Variants in SLC44A5 observed in about 807,000 individuals in gnomAD.
The protein encoded by SLC44A5 is choline transporter-like protein 5.
In SLC44A5, 57 loss-of-function variants were observed where a neutral mutation model predicts 101.8. The observed-to-expected ratio is 0.56, with a 90% CI of 0.45 to 0.70. SLC44A5 has a LOEUF of 0.70. SLC44A5 is among the 30% of genes least tolerant of loss of function. SLC44A5 has a pLI of 0.00. For missense variants in SLC44A5, 737 were observed against 853.1 expected, an observed-to-expected ratio of 0.86 and a Z score of 1.70; for synonymous variants, 281 against 290.9, an observed-to-expected ratio of 0.97 and a Z score of 0.35.
At chr1:75,386,112 G>A (rs1363762308) in intron 3 of SLC44A5, among the ~76,000 whole-genome samples, 1 of 151,416 alleles carries the variant, frequency 6.6e-6, no homozygotes, top group Non-Finnish European at 1.5e-5. Flanking sequence ...ATACTGAATG[G>A]GCAAAAACTG....
chr1:75,278,936 T>C (rs1652159125), intron 5 of SLC44A5, among the ~76,000 whole-genome samples: 1 of 152,174 alleles, frequency 6.6e-6, no homozygotes, highest in South Asian at 2.1e-4. Context: ...TGATATATTA[T>C]AGTTGCACAT....
intron 1 of SLC44A5, among the ~76,000 whole-genome samples, chr1:75,609,146 C>T (rs113066577): frequency 1.4e-4 from 21 of 151,716 alleles, no homozygotes; most frequent in African/African-American, 4.6e-4. Flanking sequence ...GTAGAAGAGA[C>T]GGCAACCTTC....
At chr1:75,336,191 T>C (rs1657429452) in intron 4 of SLC44A5, among the ~76,000 whole-genome samples, 1 of 152,144 alleles carries the variant, frequency 6.6e-6, no homozygotes, top group Non-Finnish European at 1.5e-5. Flanking sequence ...AGTCTTTCTC[T>C]GTCACCCAGG....
intron 4 of SLC44A5, among the ~76,000 whole-genome samples, chr1:75,322,368 A>G (rs1380105490): frequency 6.6e-6 from 1 of 151,616 alleles, no homozygotes; most frequent in Non-Finnish European, 1.5e-5. Flanking sequence ...AAAGTAACCA[A>G]TACATCCTTA....
intron 3 of SLC44A5, among the ~76,000 whole-genome samples, chr1:75,374,379 A>G (rs900355999): frequency 1.3e-5 from 2 of 152,164 alleles, no homozygotes; most frequent in African/African-American, 4.8e-5. Flanking sequence ...GTAGGTCTCC[A>G]GGGAATTGTG....
At chr1:75,568,133 CA>C (rs1672885841) in intron 1 of SLC44A5, among the ~76,000 whole-genome samples, 5 of 152,126 alleles carry the variant, frequency 3.3e-5, no homozygotes, top group Admixed American at 3.3e-4. Flanking sequence ...ACATGGAAAT[CA>C]GCAAAACAAC....
chr1:75,614,131 G>T (rs1675768791), upstream of SLC44A5, among the ~76,000 whole-genome samples: 1 of 152,164 alleles, frequency 6.6e-6, no homozygotes, highest in African/African-American at 2.4e-5. Flanking sequence ...GTGCCATATG[G>T]CTCCATAAAA....
chr1:75,253,233 A>G (rs1305206583), intron 6 of SLC44A5, among the ~76,000 whole-genome samples: 1 of 152,220 alleles, frequency 6.6e-6, no homozygotes, highest in African/African-American at 2.4e-5. Context: ...GAGACAAGTA[A>G]TAGCAGGCCA....
At chr1:75,716,220 C>T in the SLC44A5 span, among the ~76,000 whole-genome samples, 2 of 152,168 alleles carry the variant, frequency 1.3e-5, no homozygotes, top group Non-Finnish European at 2.9e-5. Flanking sequence ...TGGTTCACAC[C>T]TGTAATCCCA....
At chr1:75,710,177 G>A in the SLC44A5 span, 11 of 152,126 alleles carry the variant, frequency 7.2e-5, no homozygotes, top group African/African-American at 2.7e-4. Context: ...GGTTTCACAG[G>A]TGTATACATA....
chr1:75,338,599 T>C (rs1240530728), intron 4 of SLC44A5, among the ~76,000 whole-genome samples: 1 of 152,204 alleles, frequency 6.6e-6, no homozygotes, highest in Non-Finnish European at 1.5e-5. Flanking sequence ...ACAAAATGTA[T>C]TCATGGTGTT....
chr1:75,654,349 T>G, the SLC44A5 span, among the ~76,000 whole-genome samples: 1 of 152,186 alleles, frequency 6.6e-6, no homozygotes, highest in Non-Finnish European at 1.5e-5. Flanking sequence ...GTTCAATGTT[T>G]CAGAAGAAAG....
At chr1:75,490,565 T>C (rs1668374647) in intron 2 of SLC44A5, among the ~76,000 whole-genome samples, 1 of 152,230 alleles carries the variant, frequency 6.6e-6, no homozygotes, top group Non-Finnish European at 1.5e-5. Flanking sequence ...TGAAGAATAA[T>C]TATTGAGACA....
intron 2 of SLC44A5, among the ~76,000 whole-genome samples, chr1:75,396,909 A>G (rs1450523149): frequency 6.6e-6 from 1 of 152,212 alleles, no homozygotes; most frequent in African/African-American, 2.4e-5. Flanking sequence ...TATGACTTGT[A>G]TAATGTAGGT....
intron 2 of SLC44A5, among the ~76,000 whole-genome samples, chr1:75,440,362 A>G (rs530401010): frequency 1.3e-5 from 2 of 152,260 alleles, no homozygotes; most frequent in Admixed American, 1.3e-4. Flanking sequence ...GGCATTAAGG[A>G]AAAGATGGCA....
chr1:75,414,286 C>T (rs1265958144), intron 2 of SLC44A5, among the ~76,000 whole-genome samples: 1 of 24,404 alleles, frequency 4.1e-5, no homozygotes, highest in African/African-American at 4.6e-4. Flanking sequence ...CACATATATA[C>T]ATACATACAT....
At chr1:75,569,384 G>A (rs891977865) in intron 1 of SLC44A5, among the ~76,000 whole-genome samples, 1 of 151,862 alleles carries the variant, frequency 6.6e-6, no homozygotes, top group African/African-American at 2.4e-5. Context: ...TGGGACTACA[G>A]GTGCATGCCA....
At chr1:75,203,942 T>TG (rs1553138907) in intron 23 of SLC44A5, 109 bp from the exon 24 acceptor site, 90,330 of 1,302,828 alleles carry the variant, frequency 0.069, 4,152 homozygotes, top group African/African-American at 0.18. Context: ...CTTTTGTTGT[T>TG]TTTTTTTTGT....
rs1675626984 is a variant in SLC44A5 at position 75,610,942 on chromosome 1, T to C, written c.-70+98A>G. 1.8e-5 allele frequency: 5 copies of C among 278,466 alleles called. No homozygotes were observed. In the South Asian group the frequency reaches 6.8e-4, roughly 38 times the overall value. The allele number at this position is 278,466 out of a possible 1,614,324, so 17.2% of individuals were successfully genotyped here. On this transcript the variant is annotated intron_variant, in intron 1 of 23. Transcript: ENST00000370859. ...CACTATATATATGTGTGTGTGTGTGTGTATTTCTTGAGTTGTATAGAATAC... is the reference window on the plus strand; with the variant it reads ...CACTATATATATGTGTGTGTGTGTGCGTATTTCTTGAGTTGTATAGAATAC...
Sources: gnomAD v4.1 joint callset for allele counts (sites outside exome capture counted in the v4.1 genomes callset) on GRCh38, gnomAD v4.1.1 for gene constraint, MANE v1.5 for transcripts, NCBI Gene and HGNC (gene_info 2026-07-23, HGNC 2026-07-21) for gene names.